Variants in SF3A1 observed in about 807,000 individuals in gnomAD.
The protein encoded by SF3A1 is splicing factor 3a subunit 1.
SF3A1 carries 13 observed loss-of-function variants against 89.9 expected under a neutral mutation model. That is an observed-to-expected ratio of 0.14 (90% confidence interval 0.09 to 0.23). The LOEUF is 0.23. SF3A1 is among the 10% of genes least tolerant of loss of function. The pLI is 1.00. For synonymous variants in SF3A1, 405 were observed against 374.4 expected (o/e 1.08, Z -0.94); for missense variants, 604 against 1,022.1 (o/e 0.59, Z 5.58).
At chr22:30,341,336 ATTTAGAAAAGC>A (rs1370619318) in intron 7 of SF3A1, among the ~76,000 whole-genome samples, 1 of 152,188 alleles carries the variant, frequency 6.6e-6, no homozygotes, top group East Asian at 1.9e-4. Flanking sequence ...CGTGGGCTAC[ATTTAGAAAAGC>A]TCTGGGAGCT....
Position 30,335,524 on chromosome 22 carries a change from C to T in SF3A1, c.2223G>A (p.Lys741=), listed in dbSNP as rs1430027405. The T allele has an allele frequency of 1.9e-6, 3 of 1,614,220 alleles. No individual in the cohort carries two copies. Among genetic ancestry groups the T allele is most frequent in the Non-Finnish European group, 2.5e-6 (3 of 1,180,038 alleles). ...TGCCTGTGGCTTCATGAATCTTCAC[C>T]TTAATGACAGAGACCTGTGGGATCA... ...LPLTDQVSVI[K]VKIHEATGMP... Residue 741 remains lysine, a synonymous_variant, in exon 15 of 16, where the codon AAG becomes AAA. Coordinates refer to ENST00000215793, the MANE Select transcript of SF3A1 (RefSeq NM_005877.6).
intron 1 of SF3A1, among the ~76,000 whole-genome samples, chr22:30,355,599 C>T (rs1239240131): frequency 6.6e-6 from 1 of 152,224 alleles, no homozygotes; most frequent in Non-Finnish European, 1.5e-5. Flanking sequence ...AAGTTCAAAT[C>T]CTAAGTAAGA....
At chr22:30,340,107 G>T in intron 9 of SF3A1, 89 bp downstream of exon 9, 1 of 1,194,938 alleles carries the variant, frequency 8.4e-7, no homozygotes, top group Non-Finnish European at 1.1e-6. Context: ...AGCTTTTGTT[G>T]ACCTCAATTG....
intron 6 of SF3A1, 58 bp from the exon 7 acceptor site, chr22:30,341,943 G>C (rs1463166411): frequency 6.5e-7 from 1 of 1,526,862 alleles, no homozygotes; most frequent in Non-Finnish European, 8.9e-7. Context: ...TATTTGCCCT[G>C]TCTGAGCTCC....
Position 30,342,891 on chromosome 22 carries a change from AAG to A in SF3A1, c.652-14_652-13del. 2 of 1,584,386 alleles carry A rather than the reference AAG, an allele frequency of 1.3e-6. No individual in the cohort carries two copies. The highest frequency in any genetic ancestry group is 1.7e-6 in the Non-Finnish European group (2 of 1,154,152). On this transcript the variant is annotated splice_polypyrimidine_tract_variant and intron_variant, in intron 4 of 15. Transcript: ENST00000215793. ...GGTGGAATCAAGATCTGAAATACAG[AAG>A]AGTTAAAGCAACTGTCAGTGCTTTA... is the stretch of plus-strand genomic sequence containing the variant.
chr22:30,355,708 G>A (rs896495446), intron 1 of SF3A1, among the ~76,000 whole-genome samples: 2 of 151,876 alleles, frequency 1.3e-5, no homozygotes, highest in African/African-American at 2.4e-5. Flanking sequence ...GTGTCTTTGC[G>A]CATATTATCT....
At chr22:30,352,483 C>G (rs1258080171) in intron 2 of SF3A1, 1 of 154,290 alleles carries the variant, frequency 6.5e-6, no homozygotes, top group Non-Finnish European at 1.4e-5. Flanking sequence ...TGACTAGCAC[C>G]CGCGTGGAAC....
In SF3A1 at chr22:30,341,825, C is replaced by T; in HGVS notation, c.938G>A (p.Arg313His). ...CTCACTCTCCCCAAACTTTTCATAG[C>T]GCTCCTGAATGAGGATTCGGGCCCC... The part of the protein sequence containing the change: ...ELGARILIQE[R>H]YEKFGESEEV... The change falls in exon 7 of 16, where the codon CGC becomes CAC. Residue 313 changes from arginine (R) to histidine (H), a missense_variant. Arg to His is a conservative substitution (Grantham distance 29). Transcript: ENST00000215793. 6.2e-7 allele frequency: 1 copy of T among 1,614,098 alleles called. No homozygotes were observed. Among genetic ancestry groups the T allele is most frequent in the Non-Finnish European group, 8.5e-7 (1 of 1,180,032 alleles).
Position 30,340,179 on chromosome 22 carries a change from T to C in SF3A1, c.1375+17A>G, listed in dbSNP as rs1400109448. Reference sequence around the variant, plus strand: ...ATTCGGAGACTACCATGGGCTCTCCTGGAACCCCCACCTCACCTGGTGCGT... The same window carrying C: ...ATTCGGAGACTACCATGGGCTCTCCCGGAACCCCCACCTCACCTGGTGCGT... On this transcript the variant is annotated intron_variant, in intron 9 of 15. Transcript: ENST00000215793. 5 of 1,489,008 alleles carry C rather than the reference T, an allele frequency of 3.4e-6. No homozygotes were observed. The highest frequency in any genetic ancestry group is 2.8e-5 in the Admixed American group (1 of 36,036). The allele number at this position is 1,489,008 out of a possible 1,614,324, so 92.2% of individuals were successfully genotyped here.
chr22:30,343,968 C>A (rs572878841), intron 4 of SF3A1, among the ~76,000 whole-genome samples: 1 of 152,192 alleles, frequency 6.6e-6, no homozygotes, highest in Non-Finnish European at 1.5e-5. Context: ...TACAGACCAT[C>A]CCACTGTAAA....
intron 2 of SF3A1, among the ~76,000 whole-genome samples, chr22:30,351,993 G>A (rs976895884): frequency 6.6e-6 from 1 of 152,198 alleles, no homozygotes; most frequent in African/African-American, 2.4e-5. Flanking sequence ...AAGTACAGTG[G>A]GGAGAGACAG....
At chr22:30,339,279 G>A in intron 9 of SF3A1, 28 bp from the exon 10 acceptor site, 2 of 1,611,880 alleles carry the variant, frequency 1.2e-6, no homozygotes, top group Non-Finnish European at 8.5e-7. Context: ...AGAGGCAGAG[G>A]ATAGAAAGAG....
At position 30,332,332 on chromosome 22, in the gene SF3A1, G is replaced by C. The variant is rs1930942788; in HGVS notation, c.*2262C>G. On this transcript the variant is annotated 3_prime_UTR_variant, in exon 16 of 16. Transcript: ENST00000215793. ...CTACAATTCCTGGAGCCCTCTGCAT[G>C]CAAGTCTTCAAAATTATGGTGACTT... is the stretch of plus-strand genomic sequence containing the variant. 6.6e-6 allele frequency: 1 copy of C among 152,220 alleles called. No individual in the cohort carries two copies. Among genetic ancestry groups the C allele is most frequent in the Non-Finnish European group, 1.5e-5 (1 of 68,046 alleles). The allele number at this position is 152,220 out of a possible 1,614,324, so 9.4% of individuals were successfully genotyped here.
At chr22:30,336,776 A>T (rs1040410547) in intron 13 of SF3A1, among the ~76,000 whole-genome samples, 1 of 152,124 alleles carries the variant, frequency 6.6e-6, no homozygotes, top group Non-Finnish European at 1.5e-5. Context: ...GTAAGTCTAC[A>T]CCAGAGGGAC....
intron 2 of SF3A1, among the ~76,000 whole-genome samples, chr22:30,349,666 C>CTTT (rs58624811): frequency 7.2e-6 from 1 of 138,940 alleles, no homozygotes; most frequent in African/African-American, 2.7e-5. Context: ...TTTTTTCTTT[C>CTTT]TTTTTTTTTT....
Position 30,339,126 on chromosome 22 carries a change from G to C in SF3A1, c.1497+4C>G. 6.2e-7 allele frequency: 1 copy of C among 1,614,048 alleles called. No individual in the cohort carries two copies. Among genetic ancestry groups the C allele is most frequent in the South Asian group, 1.1e-5 (1 of 91,086 alleles). On this transcript the variant is annotated splice_donor_region_variant and intron_variant, in intron 10 of 15. Transcript: ENST00000215793. ...GAAGGCACTAGGTTCCACTTTAGCCGCACCTTTTCCTCTGGCTTCTGGATC... is the reference window on the plus strand; with the variant it reads ...GAAGGCACTAGGTTCCACTTTAGCCCCACCTTTTCCTCTGGCTTCTGGATC...
chr22:30,334,586 C>G lies in SF3A1; in HGVS notation c.*8G>C. The G allele has an allele frequency of 6.5e-7, 1 of 1,543,348 alleles. No homozygotes were observed. The highest frequency in any genetic ancestry group is 2.5e-5 in the East Asian group (1 of 39,900). ...AATGGCAGGGACTTGACAGCAGGTT[C>G]CTCTTGTCTACTTCTTCCTCCCGCC... On this transcript the variant is annotated 3_prime_UTR_variant, in exon 16 of 16. Transcript: ENST00000215793.
At chr22:30,350,573 C>G (rs1931562604) in intron 2 of SF3A1, among the ~76,000 whole-genome samples, 1 of 152,160 alleles carries the variant, frequency 6.6e-6, no homozygotes, top group Non-Finnish European at 1.5e-5. Flanking sequence ...CATGGTGCAT[C>G]CCCTTAATAA....
At chr22:30,337,203 C>A in intron 12 of SF3A1, 23 bp from the exon 13 acceptor site, 2 of 1,589,042 alleles carry the variant, frequency 1.3e-6, no homozygotes, top group South Asian at 2.3e-5. Context: ...GAATAAGCAG[C>A]CCCATGAGAG....
Sources: gnomAD v4.1 joint callset for allele counts (sites outside exome capture counted in the v4.1 genomes callset) on GRCh38, gnomAD v4.1.1 for gene constraint, MANE v1.5 for transcripts, NCBI Gene and HGNC (gene_info 2026-07-23, HGNC 2026-07-21) for gene names.